MYH14: variants seen among roughly 807,000 people sequenced by gnomAD.
The protein encoded by MYH14 is myosin heavy chain 14.
Under a neutral mutation model 255.5 loss-of-function variants are expected in MYH14, and 123 were observed. The ratio of observed to expected loss-of-function variants is 0.48; its 90% CI spans 0.42 to 0.56. MYH14 has a LOEUF of 0.56. Ranked by LOEUF, MYH14 falls within the 20% of genes least tolerant of loss-of-function variation. The probability of loss-of-function intolerance (pLI) is 0.00; values close to 1 mark genes in which losing one functional copy is unlikely to be tolerated. For missense variants in MYH14, 2,423 were observed against 2,802.3 expected (o/e 0.86, Z 3.06); for synonymous variants, 1,095 against 1,161.2 (o/e 0.94, Z 1.16).
intron 3 of MYH14, among the ~76,000 whole-genome samples, chr19:50,222,145 G>A (rs1005635275): frequency 6.6e-6 from 1 of 152,138 alleles, no homozygotes; most frequent in African/African-American, 2.4e-5. Context: ...ATTGCCAGGT[G>A]TCTCCTGGCG....
intron 15 of MYH14, among the ~76,000 whole-genome samples, chr19:50,251,567 C>CATAT (rs1568500704): frequency 2.5e-5 from 3 of 118,506 alleles, no homozygotes; most frequent in African/African-American, 9.7e-5. Context: ...CACACACACA[C>CATAT]ACATATATAT....
chr19:50,278,924 GT>G (rs1165353515), intron 30 of MYH14, among the ~76,000 whole-genome samples: 5 of 151,992 alleles, frequency 3.3e-5, no homozygotes, highest in African/African-American at 4.8e-5. Flanking sequence ...GGAGGCAGAG[GT>G]TGTGATGAGC....
chr19:50,278,831 A>C (rs971390341), intron 30 of MYH14, among the ~76,000 whole-genome samples: 27 of 136,690 alleles, frequency 2.0e-4, no homozygotes, highest in East Asian at 4.5e-4. Flanking sequence ...AAAAAAAAAA[A>C]CACAAAATTA....
intron 2 of MYH14, among the ~76,000 whole-genome samples, chr19:50,212,893 C>T (rs2032274065): frequency 6.6e-6 from 1 of 152,192 alleles, no homozygotes; most frequent in Non-Finnish European, 1.5e-5. Context: ...CCACATCTCA[C>T]CCAAGGCCAC....
rs528057893 is a variant in MYH14 at position 50,235,474 on chromosome 19, C to A, written c.1114+3404C>A. 4.5e-4 allele frequency among the ~76,000 whole-genome samples: 69 copies of A among 151,840 alleles called. 1 individual carries two copies. In the South Asian group the frequency reaches 0.014, roughly 30 times the overall value. ...GCACTCTGGCCTAGGTTAGTCTGGG[C>A]CAGGCAGTGCTAGAGTTAAATACTC... On this transcript the variant is annotated intron_variant, in intron 10 of 42. Coordinates refer to ENST00000642316, the MANE Select transcript of MYH14 (RefSeq NM_001145809.2).
intron 34 of MYH14, among the ~76,000 whole-genome samples, chr19:50,288,147 A>G (rs2035952676): frequency 6.6e-6 from 1 of 152,168 alleles, no homozygotes; most frequent in Non-Finnish European, 1.5e-5. Flanking sequence ...GAATACATTT[A>G]TGGATCACAC....
chr19:50,249,586 T>TCCCCTGTCTCTGGGTCTCTGA, intron 13 of MYH14, 64 bp from the exon 14 acceptor site: 1 of 1,602,952 alleles, frequency 6.2e-7, no homozygotes. Flanking sequence ...TGGGTCTCTG[T>TCCCCTGTCTCTGGGTCTCTGA]CCCCTGTCTC....
intron 16 of MYH14, among the ~76,000 whole-genome samples, chr19:50,254,810 G>A (rs1474823505): frequency 6.6e-6 from 1 of 152,166 alleles, no homozygotes; most frequent in Non-Finnish European, 1.5e-5. Context: ...TGACAGCCCA[G>A]GGAAAAACGG....
In MYH14 at chr19:50,292,358, G is replaced by A. The variant is rs574422878; in HGVS notation, c.5225G>A (p.Gly1742Asp). ...CGGGAAAGTGAAAAGCGCCTCAAGG[G>A]CCTGGAGGCTGAGGTGCTGCGGCTG... ...QNRESEKRLKGLEAEVLRLQE... is the reference protein window; with the variant it reads ...QNRESEKRLKDLEAEVLRLQE... Residue 1742 changes from glycine (G) to aspartate (D), a missense_variant, in exon 37 of 43, where the codon GGC (glycine) becomes GAC (aspartate). Physicochemically the swap from Gly to Asp is moderately conservative, Grantham distance 94 (BLOSUM62 -1). Coordinates refer to ENST00000642316, the MANE Select transcript of MYH14 (RefSeq NM_001145809.2). 4.8e-5 allele frequency: 76 copies of A among 1,586,280 alleles called. No homozygotes were observed. In the South Asian group the frequency reaches 8.3e-4, roughly 17 times the overall value.
chr19:50,236,420 G>C (rs1300454962), intron 10 of MYH14, among the ~76,000 whole-genome samples: 1 of 150,288 alleles, frequency 6.7e-6, no homozygotes, highest in East Asian at 2.0e-4. Context: ...TCTTAGAAAC[G>C]AAATGCCAGC....
rs1600965605 is a variant in MYH14, at chr19:50,260,626, C to T, written c.2355-20C>T. 1 of 1,598,058 alleles carries T rather than the reference C, an allele frequency of 6.3e-7. No homozygotes were observed. Among genetic ancestry groups the T allele is most frequent in the Non-Finnish European group, 8.6e-7 (1 of 1,166,270 alleles). On this transcript the variant is annotated intron_variant, in intron 19 of 42. Coordinates refer to ENST00000642316, the MANE Select transcript of MYH14 (RefSeq NM_001145809.2). The stretch of plus-strand genomic sequence containing the variant: ...GTTTGCTGTAACTCTCTCCTCCCCA[C>T]CCCTCCCTGCTCATTGCAGATACGA...
chr19:50,288,018 G>A (rs114238012), intron 34 of MYH14, among the ~76,000 whole-genome samples: 5 of 152,274 alleles, frequency 3.3e-5, no homozygotes, highest in African/African-American at 4.8e-5. Flanking sequence ...TCCAGGGCCT[G>A]TAGGGTGGTG....
chr19:50,255,091 T>C, intron 16 of MYH14, 129 bp from the exon 17 acceptor site: 1 of 681,068 alleles, frequency 1.5e-6, no homozygotes, highest in Non-Finnish European at 2.6e-6. Flanking sequence ...CTCTGTACTG[T>C]TGACTAATAA....
chr19:50,291,886 A>C (rs2036086979), intron 36 of MYH14, among the ~76,000 whole-genome samples: 1 of 152,166 alleles, frequency 6.6e-6, no homozygotes, highest in Non-Finnish European at 1.5e-5. Context: ...TAGAAATAAA[A>C]TAAATAAATC....
In MYH14 at chr19:50,293,704, G is replaced by GC. The variant is rs1568548557; in HGVS notation, c.5469+22dup. 2 of 1,538,068 alleles carry GC rather than the reference G, an allele frequency of 1.3e-6. No homozygotes were observed. The highest frequency in any genetic ancestry group is 1.8e-6 in the Non-Finnish European group (2 of 1,141,312). On this transcript the variant is annotated intron_variant, in intron 39 of 42. Transcript: ENST00000642316. This position sits in a 1 kb window ranked among gnomAD's most constrained non-coding sequence, Gnocchi z 4.1. Reference sequence around the variant, plus strand: ...CTCCTGCAGGTGAGCGTGATTGACCGCCCCCACCAGCCTCAGTCCCCATTG... The same window carrying GC: ...CTCCTGCAGGTGAGCGTGATTGACCGCCCCCCACCAGCCTCAGTCCCCATTG...
Position 50,242,603 on chromosome 19 carries a change from A to G in MYH14, c.1115-1639A>G, listed in dbSNP as rs574500573. On this transcript the variant is annotated intron_variant, in intron 10 of 42. Coordinates refer to ENST00000642316, the MANE Select transcript of MYH14 (RefSeq NM_001145809.2). Reference sequence around the variant, plus strand: ...GGGAATTATGGGAGCTACAATTTCAAGATGAGATTTGGCTGGGGACACAGC... The same window carrying G: ...GGGAATTATGGGAGCTACAATTTCAGGATGAGATTTGGCTGGGGACACAGC... 3.9e-5 allele frequency among the ~76,000 whole-genome samples: 6 copies of G among 152,298 alleles called. No individual in the cohort carries two copies. In the South Asian group the frequency reaches 8.3e-4, roughly 21 times the overall value.
intron 39 of MYH14, among the ~76,000 whole-genome samples, chr19:50,297,059 C>T (rs2036292915): frequency 6.6e-6 from 1 of 150,892 alleles, no homozygotes; most frequent in Non-Finnish European, 1.5e-5. Context: ...GATCTTGGCT[C>T]ACTGCAACCT....
chr19:50,210,840 C>T (rs2032158601), intron 2 of MYH14, 70 bp downstream of exon 2: 7 of 1,523,058 alleles, frequency 4.6e-6, no homozygotes, highest in South Asian at 1.3e-5. Context: ...GTCCACCACC[C>T]GGCTCCCCTG....
chr19:50,254,593 C>T (rs1472045189), intron 16 of MYH14, among the ~76,000 whole-genome samples: 3 of 152,206 alleles, frequency 2.0e-5, no homozygotes, highest in African/African-American at 7.2e-5. Flanking sequence ...CCTCCTGGCT[C>T]AGCCTCCCGA....
Sources: gnomAD v4.1 joint callset for allele counts (sites outside exome capture counted in the v4.1 genomes callset) on GRCh38, gnomAD v4.1.1 for gene constraint, Gnocchi (gnomAD v3.1) non-coding constraint, MANE v1.5 for transcripts, NCBI Gene and HGNC (gene_info 2026-07-23, HGNC 2026-07-21) for gene names.